Variants in CASZ1 observed in about 807,000 individuals in gnomAD.
CASZ1 encodes castor zinc finger 1.
A neutral mutation model predicts 135.2 loss-of-function variants in CASZ1; 28 were observed. The ratio of observed to expected loss-of-function variants is 0.21; its 90% CI spans 0.15 to 0.28. The LOEUF is 0.28. Ranked by LOEUF, CASZ1 falls within the 10% of genes least tolerant of loss-of-function variation. The pLI is 1.00. For missense variants in CASZ1, 2,161 were observed against 2,453.3 expected (o/e 0.88, Z 2.52); for synonymous variants, 1,068 against 1,073.4 (o/e 0.99, Z 0.10).
Position 10,649,355 on chromosome 1 carries a change from G to A in CASZ1, c.2963C>T (p.Pro988Leu). Reference sequence around the variant, plus strand: ...CGCCTTCACGGCCTTGCCTAGGAAGGGCGAGGGCTCCGCAGCGGGGCTCCC... The same window carrying A: ...CGCCTTCACGGCCTTGCCTAGGAAGAGCGAGGGCTCCGCAGCGGGGCTCCC... ...AEGSPAAEPSPFLGKAVKALV... is the reference protein window; with the variant it reads ...AEGSPAAEPSLFLGKAVKALV... Residue 988 changes from proline to leucine, a missense_variant, in exon 14 of 21, where the codon CCC becomes CTC. Pro to Leu is a moderately conservative substitution (Grantham distance 98, BLOSUM62 -3). This residue lies in a region of CASZ1 where 406 missense variants were observed against 387.6 expected (regional missense o/e 1.05). Coordinates refer to ENST00000377022, the MANE Select transcript of CASZ1 (RefSeq NM_001079843.3). 1 of 1,602,832 alleles carries A rather than the reference G, an allele frequency of 6.2e-7. No homozygotes were observed. The highest frequency in any genetic ancestry group is 8.5e-7 in the Non-Finnish European group (1 of 1,175,162).
At chr1:10,702,110 T>C (rs894290752) in intron 3 of CASZ1, among the ~76,000 whole-genome samples, 2 of 152,158 alleles carry the variant, frequency 1.3e-5, no homozygotes, top group Non-Finnish European at 2.9e-5. Flanking sequence ...AATCCTGAGA[T>C]GAGTGTGGGT....
chr1:10,688,756 AGC>A (rs1476768722), intron 4 of CASZ1, among the ~76,000 whole-genome samples: 1 of 152,190 alleles, frequency 6.6e-6, no homozygotes, highest in Non-Finnish European at 1.5e-5. Context: ...GTGGCCAGGC[AGC>A]CAGAGGGGTG....
intron 4 of CASZ1, among the ~76,000 whole-genome samples, chr1:10,675,092 T>C (rs1175720767): frequency 2.0e-5 from 3 of 152,144 alleles, no homozygotes; most frequent in Admixed American, 6.5e-5. Context: ...TAAAGGGTTA[T>C]ATTACACCCG....
chr1:10,779,279 A>ATTTTTT (rs386366223), intron 1 of CASZ1, among the ~76,000 whole-genome samples: 1 of 125,256 alleles, frequency 8.0e-6, no homozygotes, highest in African/African-American at 3.1e-5. Context: ...TAATTTTATA[A>ATTTTTT]TTTTTTTTTT....
chr1:10,790,810 G>A (rs1473485435), intron 1 of CASZ1, among the ~76,000 whole-genome samples: 1 of 151,714 alleles, frequency 6.6e-6, no homozygotes, highest in Admixed American at 6.6e-5. Flanking sequence ...GGGAGAGGAT[G>A]GTATAAATGT....
At chr1:10,667,880 G>C (rs1557488962) in intron 4 of CASZ1, among the ~76,000 whole-genome samples, 3 of 145,832 alleles carry the variant, frequency 2.1e-5, no homozygotes, top group Admixed American at 6.9e-5. Flanking sequence ...TCTCGGCTGT[G>C]TGCCTGGCTC....
At chr1:10,782,496 G>A (rs374657841) in intron 1 of CASZ1, among the ~76,000 whole-genome samples, 3 of 152,322 alleles carry the variant, frequency 2.0e-5, no homozygotes, top group South Asian at 2.1e-4. Flanking sequence ...AGGTCCCCAC[G>A]GCATGAGCCA....
Position 10,714,902 on chromosome 1 carries a change from T to C in CASZ1, c.-76-9358A>G, listed in dbSNP as rs116254444. Among the ~76,000 whole-genome samples, 491 of 149,658 alleles carry C rather than the reference T, an allele frequency of 3.3e-3. 3 individuals are homozygous for C. The highest frequency in any genetic ancestry group is 0.011 in the African/African-American group (468 of 40,974). ...TGCCTTGTCTCCACCCAGCCCAGCA[T>C]TGGCCCTCCCCAAGCAGCCATGCCA... is the stretch of plus-strand genomic sequence containing the variant. On this transcript the variant is annotated intron_variant, in intron 2 of 20. Coordinates refer to ENST00000377022, the MANE Select transcript of CASZ1 (RefSeq NM_001079843.3).
chr1:10,703,932 C>A (rs1460028001), intron 3 of CASZ1, among the ~76,000 whole-genome samples: 2 of 152,206 alleles, frequency 1.3e-5, no homozygotes, highest in Non-Finnish European at 2.9e-5. Flanking sequence ...CTGCCAAGCC[C>A]TGCTCCAGAG....
At chr1:10,665,619 G>A in intron 4 of CASZ1, 48 bp from the exon 5 acceptor site, 1 of 1,486,880 alleles carries the variant, frequency 6.7e-7, no homozygotes, top group South Asian at 1.3e-5. Context: ...GCAAGGCCAA[G>A]AACAACCCAC....
rs1411974193 is a variant in CASZ1, at chr1:10,741,032, G to T, written c.-77+19669C>A. On this transcript the variant is annotated intron_variant, in intron 2 of 20. Transcript: ENST00000377022. The surrounding 1 kb of genome is among the most constrained non-coding windows in gnomAD (Gnocchi z 5.0). Reference sequence around the variant, plus strand: ...TTTTTTTTGACAGTCTTACTCTGTTGCCTAGGCTGGAGAGCAATGGCACAA... The same window carrying T: ...TTTTTTTTGACAGTCTTACTCTGTTTCCTAGGCTGGAGAGCAATGGCACAA... Among the ~76,000 whole-genome samples the T allele has an allele frequency of 1.4e-5, 2 of 141,710 alleles. No individual in the cohort carries two copies. Among genetic ancestry groups the T allele is most frequent in the African/African-American group, 5.2e-5 (2 of 38,516 alleles). 93.0% of individuals were successfully genotyped at this position (141,710 alleles called of 152,430 possible). A position where few individuals can be genotyped will look rare whatever the true frequency, so the allele number is the denominator to read the frequency against.
intron 4 of CASZ1, among the ~76,000 whole-genome samples, chr1:10,685,688 C>T (rs538231370): frequency 3.8e-4 from 58 of 151,774 alleles, no homozygotes; most frequent in African/African-American, 1.1e-3. Context: ...AAGCTGGCCC[C>T]GCATGGCCTG....
rs574679152 is a variant in CASZ1, at chr1:10,788,998, G to T, written c.-234+7566C>A. 6.6e-6 allele frequency among the ~76,000 whole-genome samples: 1 copy of T among 152,158 alleles called. No homozygotes were observed. Among genetic ancestry groups the T allele is most frequent in the Non-Finnish European group, 1.5e-5 (1 of 68,006 alleles). ...CTGCTTCTCACAGTGGCCACTGCAGGGGAGCCCAAGGGGACAGTAAGGGGG... is the reference window on the plus strand; with the variant it reads ...CTGCTTCTCACAGTGGCCACTGCAGTGGAGCCCAAGGGGACAGTAAGGGGG... On this transcript the variant is annotated intron_variant, in intron 1 of 20. Coordinates refer to ENST00000377022, the MANE Select transcript of CASZ1 (RefSeq NM_001079843.3). The surrounding 1 kb of genome is among the most constrained non-coding windows in gnomAD (Gnocchi z 4.1).
Position 10,647,522 on chromosome 1 carries a change from A to G in CASZ1, c.3497+279T>C. 7.4e-7 allele frequency: 1 copy of G among 1,343,094 alleles called. No homozygotes were observed. The highest frequency in any genetic ancestry group is 9.6e-7 in the Non-Finnish European group (1 of 1,042,294). The allele number at this position is 1,343,094 out of a possible 1,614,324, so 83.2% of individuals were successfully genotyped here. On this transcript the variant is annotated intron_variant, in intron 16 of 20. Transcript: ENST00000377022. This position sits in a 1 kb window ranked among gnomAD's most constrained non-coding sequence, Gnocchi z 4.9. ...CTCTGAGGACCACCACGCCCAGTCCACCCCACCTGGCCCTGGCAGGATCAC... is the reference window on the plus strand; with the variant it reads ...CTCTGAGGACCACCACGCCCAGTCCGCCCCACCTGGCCCTGGCAGGATCAC...
chr1:10,647,191 G>C lies in CASZ1; in HGVS notation c.3497+610C>G, dbSNP rs937863404. On this transcript the variant is annotated intron_variant, in intron 16 of 20. Transcript: ENST00000377022. The surrounding 1 kb of genome is among the most constrained non-coding windows in gnomAD (Gnocchi z 4.9). ...CAGCCCCAGTTGCTCAGAGAGGGAG[G>C]ACAGCTGCCACTCAGGCGATATAAA... The C allele has an allele frequency of 1.0e-6, 1 of 981,104 alleles. No homozygotes were observed. The highest frequency in any genetic ancestry group is 1.8e-5 in the African/African-American group (1 of 57,016). The allele number at this position is 981,104 out of a possible 1,614,324, so 60.8% of individuals were successfully genotyped here.
At position 10,721,388 on chromosome 1, in the gene CASZ1, TG is replaced by T. The variant is rs1334296453; in HGVS notation, c.-76-15845del. On this transcript the variant is annotated intron_variant, in intron 2 of 20. Coordinates refer to ENST00000377022, the MANE Select transcript of CASZ1 (RefSeq NM_001079843.3). This position sits in a 1 kb window ranked among gnomAD's most constrained non-coding sequence, Gnocchi z 5.4. ...CTTGACGTCTCCGATCCAATTAATA[TG>T]CAAATGCAGGAGAGGATTTATTTGT... 1.3e-5 allele frequency among the ~76,000 whole-genome samples: 2 copies of T among 152,240 alleles called. No individual in the cohort carries two copies. The highest frequency in any genetic ancestry group is 4.8e-5 in the African/African-American group (2 of 41,458).
chr1:10,654,392 G>A (rs373339127), intron 10 of CASZ1, 27 bp downstream of exon 10: 15 of 1,607,948 alleles, frequency 9.3e-6, no homozygotes, highest in Admixed American at 1.7e-5. Flanking sequence ...TTCTGCCCAC[G>A]AAGGCCCCCA....
chr1:10,686,794 G>C (rs1236725650), intron 4 of CASZ1, among the ~76,000 whole-genome samples: 1 of 152,214 alleles, frequency 6.6e-6, no homozygotes, highest in African/African-American at 2.4e-5. Flanking sequence ...TCTGGGGGTG[G>C]GGACGCTAGG....
chr1:10,658,375 GAA>G, intron 7 of CASZ1, 131 bp downstream of exon 7: 1 of 704,896 alleles, frequency 1.4e-6, no homozygotes, highest in Non-Finnish European at 2.5e-6. Flanking sequence ...TGGAGGGACC[GAA>G]GTGGATGGGG....
Sources: allele counts gnomAD v4.1 joint callset (sites outside exome capture counted in the v4.1 genomes callset), GRCh38; gene constraint gnomAD v4.1.1; regional missense constraint gnomAD v4.1.1; non-coding constraint Gnocchi (gnomAD v3.1); transcripts MANE v1.5; gene names NCBI Gene and HGNC (gene_info 2026-07-23, HGNC 2026-07-21).